NETO2: variants seen among roughly 807,000 people sequenced by gnomAD.
NETO2 encodes neuropilin and tolloid like 2.
Under a neutral mutation model 62.5 loss-of-function variants are expected in NETO2, and 28 were observed. The observed-to-expected ratio is 0.45, with a 90% CI of 0.33 to 0.61. The LOEUF (loss-of-function observed/expected upper bound fraction) is 0.61. Among genes scored for constraint, NETO2 ranks in the 20% least tolerant of loss-of-function variants. The probability of loss-of-function intolerance (pLI) is 0.02; values close to 1 mark genes in which losing one functional copy is unlikely to be tolerated. For missense variants in NETO2, 548 were observed against 643.2 expected (o/e 0.85, Z 1.60); for synonymous variants, 214 against 219.1 (o/e 0.98, Z 0.21).
intron 6 of NETO2, among the ~76,000 whole-genome samples, chr16:47,112,080 T>C (rs1326192588): frequency 6.6e-6 from 1 of 152,148 alleles, no homozygotes; most frequent in Non-Finnish European, 1.5e-5. Flanking sequence ...ATTTTTAAAA[T>C]ATATTTTTAA....
chr16:47,139,814 ACTC>A (rs1431879730), intron 1 of NETO2, among the ~76,000 whole-genome samples: 1 of 152,108 alleles, frequency 6.6e-6, no homozygotes, highest in African/African-American at 2.4e-5. Flanking sequence ...AATGTGACAA[ACTC>A]CTCCTTAGTC....
At position 47,131,956 on chromosome 16, in the gene NETO2, G is replaced by GT. The variant is rs1334420690; in HGVS notation, c.91+12dup. 1 of 1,607,108 alleles carries GT rather than the reference G, an allele frequency of 6.2e-7. No homozygotes were observed. The highest frequency in any genetic ancestry group is 8.5e-7 in the Non-Finnish European group (1 of 1,174,288). On this transcript the variant is annotated intron_variant, in intron 2 of 8. Transcript: ENST00000562435. Reference sequence around the variant, plus strand: ...CTTAAACATGCAGTAAGTCACCAATGTAAGTACTTTACCTTGGGTTTTTTG... The same window carrying GT: ...CTTAAACATGCAGTAAGTCACCAATGTTAAGTACTTTACCTTGGGTTTTTTG...
Position 47,088,816 on chromosome 16 carries a change from T to TC in NETO2, c.884-2478dup, listed in dbSNP as rs560590113. ...AGTAATAAAACTGACATGTTTTCAT[T>TC]CATCTGCCTTACCCACTTTGTCTAT... is the stretch of plus-strand genomic sequence containing the variant. On this transcript the variant is annotated intron_variant, in intron 7 of 8. Coordinates refer to ENST00000562435, the MANE Select transcript of NETO2 (RefSeq NM_018092.5). Among the ~76,000 whole-genome samples, 352 of 152,332 alleles carry TC rather than the reference T, an allele frequency of 2.3e-3. 1 individual carries two copies. The highest frequency in any genetic ancestry group is 3.4e-3 in the Non-Finnish European group (231 of 68,028).
chr16:47,143,067 C>G (rs1020685344), intron 1 of NETO2, among the ~76,000 whole-genome samples: 1 of 151,948 alleles, frequency 6.6e-6, no homozygotes. Context: ...CCGGCTGGCC[C>G]AGCAGGCCCC....
chr16:47,139,954 C>T (rs559666326), intron 1 of NETO2, among the ~76,000 whole-genome samples: 1 of 152,234 alleles, frequency 6.6e-6, no homozygotes, highest in Non-Finnish European at 1.5e-5. Context: ...TTGGTATCTT[C>T]TAGTGCTGTA....
chr16:47,096,115 C>A (rs2143838736), intron 7 of NETO2, among the ~76,000 whole-genome samples: 1 of 152,134 alleles, frequency 6.6e-6, no homozygotes, highest in African/African-American at 2.4e-5. Flanking sequence ...TACCTTGAGA[C>A]AAATGAAACC....
At chr16:47,140,216 TC>T (rs780116184) in intron 1 of NETO2, among the ~76,000 whole-genome samples, 2 of 152,172 alleles carry the variant, frequency 1.3e-5, no homozygotes, top group Non-Finnish European at 2.9e-5. Context: ...CAAAAGTTCC[TC>T]TGAAGTTTGG....
At position 47,078,281 on chromosome 16, in the gene NETO2, C is replaced by T. The variant is rs936569466; in HGVS notation, c.*4940G>A. On this transcript the variant is annotated 3_prime_UTR_variant, in exon 9 of 9. Coordinates refer to ENST00000562435, the MANE Select transcript of NETO2 (RefSeq NM_018092.5). The stretch of plus-strand genomic sequence containing the variant: ...AAGTGATCTAAATTATTTGCCACTT[C>T]TAGACTTTAGAAATTGAGGCAAGCA... 6.6e-6 allele frequency: 1 copy of T among 152,156 alleles called. No homozygotes were observed. The highest frequency in any genetic ancestry group is 1.5e-5 in the Non-Finnish European group (1 of 68,030). 9.4% of individuals were successfully genotyped at this position (152,156 alleles called of 1,614,324 possible).
intron 2 of NETO2, 139 bp from the exon 3 acceptor site, chr16:47,129,503 CAATA>C: frequency 1.2e-6 from 1 of 842,172 alleles, no homozygotes; most frequent in Non-Finnish European, 1.8e-6. Context: ...AAATTTAGCA[CAATA>C]AATTGAGTAC....
At chr16:47,118,839 C>T (rs1427249575) in intron 6 of NETO2, among the ~76,000 whole-genome samples, 3 of 152,080 alleles carry the variant, frequency 2.0e-5, no homozygotes, top group Non-Finnish European at 4.4e-5. Context: ...AAAAAATAAC[C>T]TTTATCCTAT....
rs578072240 is a variant in NETO2 at position 47,121,612 on chromosome 16, A to T, written c.654+1045T>A. On this transcript the variant is annotated intron_variant, in intron 6 of 8. Coordinates refer to ENST00000562435, the MANE Select transcript of NETO2 (RefSeq NM_018092.5). ...CATGTGGTAGTGAAACATTTTTTCT[A>T]ATCTATGCTTTCATGTGAGTTGCCT... 6.8e-4 allele frequency among the ~76,000 whole-genome samples: 103 copies of T among 152,296 alleles called. 1 individual carries two copies. Among genetic ancestry groups the T allele is most frequent in the Non-Finnish European group, 3.8e-4 (26 of 68,016 alleles).
chr16:47,110,340 C>T (rs928098924), intron 6 of NETO2, among the ~76,000 whole-genome samples: 3 of 152,174 alleles, frequency 2.0e-5, no homozygotes, highest in Non-Finnish European at 2.9e-5. Flanking sequence ...CTATTAGCAT[C>T]CCCCATTCAA....
chr16:47,104,737 T>C lies in NETO2; in HGVS notation c.883+4746A>G, dbSNP rs141393874. Among the ~76,000 whole-genome samples, 1,085 of 152,312 alleles carry C rather than the reference T, an allele frequency of 7.1e-3. 14 individuals are homozygous for C. Among genetic ancestry groups the C allele is most frequent in the African/African-American group, 0.025 (1,037 of 41,572 alleles). ...AATCTTCACATAATTTCTTTTTTTT[T>C]TGGACAGAGTCTAGCTCTGTTGCCC... On this transcript the variant is annotated intron_variant, in intron 7 of 8. Coordinates refer to ENST00000562435, the MANE Select transcript of NETO2 (RefSeq NM_018092.5).
At chr16:47,132,081 TAA>T (rs1964277322) in intron 1 of NETO2, 56 bp from the exon 2 acceptor site, 2 of 1,274,900 alleles carry the variant, frequency 1.6e-6, no homozygotes, top group African/African-American at 1.5e-5. Context: ...TACATTTTAC[TAA>T]GTCAATAAAT....
At chr16:47,083,861 CA>C in intron 8 of NETO2, 60 bp from the exon 9 acceptor site, 1 of 1,281,916 alleles carries the variant, frequency 7.8e-7, no homozygotes, top group Non-Finnish European at 1.1e-6. Flanking sequence ...AATCCTGGTA[CA>C]AATTAGTAAG....
rs1384287510 is a variant in NETO2 at position 47,083,064 on chromosome 16, C to T, written c.*157G>A. On this transcript the variant is annotated 3_prime_UTR_variant, in exon 9 of 9. Coordinates refer to ENST00000562435, the MANE Select transcript of NETO2 (RefSeq NM_018092.5). Reference sequence around the variant, plus strand: ...GATTGGTTTAACATATATAGACTGCCTGAGAGAATAAAAACATCACCATAC... The same window carrying T: ...GATTGGTTTAACATATATAGACTGCTTGAGAGAATAAAAACATCACCATAC... 1.6e-6 allele frequency: 1 copy of T among 641,240 alleles called. No individual in the cohort carries two copies. 39.7% of individuals were successfully genotyped at this position (641,240 alleles called of 1,614,324 possible).
In NETO2 at chr16:47,128,330, A is replaced by G. The variant is rs1305745300; in HGVS notation, c.476T>C (p.Ile159Thr). Residue 159 changes from isoleucine to threonine, a missense_variant, in exon 4 of 9, where the codon ATT becomes ACT. Transcript: ENST00000562435. ...GLGFRAKYSF[I>T]PDPDFTYLGG... Reference sequence around the variant, plus strand: ...AAAGATAACTTATTCTTTACCTGGAATAAATGAATATTTTGCTCGAAATCC... The same window carrying G: ...AAAGATAACTTATTCTTTACCTGGAGTAAATGAATATTTTGCTCGAAATCC... The G allele has an allele frequency of 6.2e-7, 1 of 1,613,002 alleles. No homozygotes were observed. Among genetic ancestry groups the G allele is most frequent in the Non-Finnish European group, 8.5e-7 (1 of 1,179,488 alleles).
intron 1 of NETO2, among the ~76,000 whole-genome samples, chr16:47,132,313 A>C (rs952159636): frequency 1.3e-5 from 2 of 152,004 alleles, no homozygotes; most frequent in African/African-American, 4.8e-5. Flanking sequence ...AAAAAAAAAA[A>C]CACTTGTTTT....
At chr16:47,107,967 G>A (rs1211699059) in intron 7 of NETO2, among the ~76,000 whole-genome samples, 1 of 151,968 alleles carries the variant, frequency 6.6e-6, no homozygotes, top group Non-Finnish European at 1.5e-5. Context: ...GTAGAGATGG[G>A]GGTTTCCCCA....
Sources: gnomAD v4.1 joint callset for allele counts (sites outside exome capture counted in the v4.1 genomes callset) on GRCh38, gnomAD v4.1.1 for gene constraint, MANE v1.5 for transcripts, NCBI Gene and HGNC (gene_info 2026-07-23, HGNC 2026-07-21) for gene names.